Variants in BRD7 observed in about 807,000 individuals in gnomAD.
The protein encoded by BRD7 is bromodomain containing 7.
Under a neutral mutation model 82.1 loss-of-function variants are expected in BRD7, and 15 were observed. That is an observed-to-expected ratio of 0.18 (90% CI 0.12 to 0.28). BRD7 has a LOEUF of 0.28. Ranked by LOEUF, BRD7 falls within the 10% of genes least tolerant of loss-of-function variation. The pLI is 1.00. For missense variants in BRD7, 638 were observed against 779.9 expected, an observed-to-expected ratio of 0.82 and a Z score of 2.17; for synonymous variants, 232 against 266.9, an observed-to-expected ratio of 0.87 and a Z score of 1.27.
chr16:50,320,394 G>T lies in BRD7; in HGVS notation c.1613-3C>A. 1.9e-6 allele frequency: 3 copies of T among 1,612,724 alleles called. No individual in the cohort carries two copies. Among genetic ancestry groups the T allele is most frequent in the Non-Finnish European group, 2.5e-6 (3 of 1,179,424 alleles). Reference sequence around the variant, plus strand: ...TTTCTTCTGGAATATTTCAGCTTCTGTGTGGTAAGAAAACAGACACACTTC... The same window carrying T: ...TTTCTTCTGGAATATTTCAGCTTCTTTGTGGTAAGAAAACAGACACACTTC... On this transcript the variant is annotated splice_region_variant and splice_polypyrimidine_tract_variant and intron_variant, in intron 14 of 16. Coordinates refer to ENST00000394688, the MANE Select transcript of BRD7 (RefSeq NM_013263.5).
At chr16:50,357,499 G>C (rs1310423842) in intron 2 of BRD7, among the ~76,000 whole-genome samples, 1 of 152,130 alleles carries the variant, frequency 6.6e-6, no homozygotes, top group Non-Finnish European at 1.5e-5. Context: ...ATGGATCTTG[G>C]TAGGCTGGCA....
chr16:50,336,591 AAAC>A (rs1000232181), intron 6 of BRD7, among the ~76,000 whole-genome samples: 1 of 152,216 alleles, frequency 6.6e-6, no homozygotes, highest in African/African-American at 2.4e-5. Flanking sequence ...CAAAAAACAC[AAAC>A]AACAACAAAA....
intron 6 of BRD7, among the ~76,000 whole-genome samples, chr16:50,338,580 T>C (rs2037914721): frequency 6.6e-6 from 1 of 152,252 alleles, no homozygotes; most frequent in African/African-American, 2.4e-5. Flanking sequence ...CTCTGGACTC[T>C]GATTCCTTTC....
intron 12 of BRD7, among the ~76,000 whole-genome samples, chr16:50,323,386 C>A (rs1281475653): frequency 2.6e-5 from 4 of 152,216 alleles, no homozygotes; most frequent in African/African-American, 9.6e-5. Flanking sequence ...AAGGATAACG[C>A]TCAGGCCCTC....
At chr16:50,368,389 G>T (rs36023580) in intron 1 of BRD7, 91 bp from the exon 2 acceptor site, 1 of 1,371,882 alleles carries the variant, frequency 7.3e-7, no homozygotes, top group Non-Finnish European at 9.9e-7. Context: ...CCAAGGCGCA[G>T]CAAGCCCGAG....
At chr16:50,360,863 G>A (rs1023715807) in intron 2 of BRD7, among the ~76,000 whole-genome samples, 4 of 152,138 alleles carry the variant, frequency 2.6e-5, no homozygotes, top group Admixed American at 1.3e-4. Context: ...GGGTTGAGAC[G>A]ACTACCTCAG....
At chr16:50,332,373 G>A (rs976149764) in intron 8 of BRD7, among the ~76,000 whole-genome samples, 68 of 152,246 alleles carry the variant, frequency 4.5e-4, no homozygotes, top group African/African-American at 1.6e-3. Context: ...CTCAAAAGAA[G>A]ACATACAAGC....
intron 2 of BRD7, 89 bp from the exon 3 acceptor site, chr16:50,355,011 A>C (rs45456099): frequency 1.8e-5 from 26 of 1,416,832 alleles, no homozygotes; most frequent in Non-Finnish European, 2.5e-5. Context: ...AAAAGACATC[A>C]TTGTAAAGAA....
At chr16:50,352,112 C>T (rs2038549770) in intron 4 of BRD7, among the ~76,000 whole-genome samples, 2 of 152,212 alleles carry the variant, frequency 1.3e-5, no homozygotes, top group Non-Finnish European at 2.9e-5. Flanking sequence ...CTCTCTACTT[C>T]TATGAATCAA....
At chr16:50,334,644 T>G (rs1006000862) in intron 7 of BRD7, 67 bp downstream of exon 7, 41 of 1,552,306 alleles carry the variant, frequency 2.6e-5, no homozygotes, top group Non-Finnish European at 3.3e-5. Context: ...AGGCCCCGAA[T>G]AAGTATTTTT....
intron 7 of BRD7, among the ~76,000 whole-genome samples, chr16:50,334,111 A>T (rs2037688737): frequency 6.6e-6 from 1 of 152,270 alleles, no homozygotes; most frequent in African/African-American, 2.4e-5. Context: ...GCATTATGAC[A>T]GCAAAAATCC....
chr16:50,335,018 G>T, intron 6 of BRD7, 123 bp from the exon 7 acceptor site: 1 of 939,300 alleles, frequency 1.1e-6, no homozygotes, highest in East Asian at 2.7e-5. Context: ...ACAATTAAAT[G>T]TAATCATATA....
intron 8 of BRD7, 145 bp downstream of exon 8, chr16:50,333,426 CATT>C: frequency 1.0e-6 from 1 of 993,696 alleles, no homozygotes; most frequent in Non-Finnish European, 1.5e-6. Context: ...ATTGTCTGTC[CATT>C]ATTAATTGTT....
chr16:50,333,630 C>A lies in BRD7; in HGVS notation c.955G>T (p.Asp319Tyr), dbSNP rs773539261. The A allele has an allele frequency of 1.2e-6, 2 of 1,611,710 alleles. No individual in the cohort carries two copies. Among genetic ancestry groups the A allele is most frequent in the Non-Finnish European group, 1.7e-6 (2 of 1,179,640 alleles). The change falls in exon 8 of 17, where the codon GAC (aspartate) becomes TAC (tyrosine). Residue 319 changes from aspartate to tyrosine, a missense_variant. Asp to Tyr is a radical substitution (Grantham distance 160). This residue lies in a region of BRD7 where 402 missense variants were observed against 500.8 expected (regional missense o/e 0.80). Transcript: ENST00000394688. ...NNLEREQEQL[D>Y]RIVKESGGKL... ...CCTCCAGATTCCTTCACGATGCGGT[C>A]AAGCTGCTCCTGCTCTCTCTCTAAA...
At chr16:50,366,113 A>T (rs1026249126) in intron 2 of BRD7, among the ~76,000 whole-genome samples, 1 of 152,240 alleles carries the variant, frequency 6.6e-6, no homozygotes, top group African/African-American at 2.4e-5. Flanking sequence ...CAAAAGTCTG[A>T]AAGAAAATAA....
At chr16:50,357,755 T>C (rs1030525721) in intron 2 of BRD7, among the ~76,000 whole-genome samples, 3 of 151,734 alleles carry the variant, frequency 2.0e-5, no homozygotes, top group Non-Finnish European at 2.9e-5. Flanking sequence ...CTGAGGCAGG[T>C]GTACCACTTG....
chr16:50,363,720 A>G (rs770716027), intron 2 of BRD7, among the ~76,000 whole-genome samples: 1 of 152,018 alleles, frequency 6.6e-6, no homozygotes, highest in Non-Finnish European at 1.5e-5. Context: ...TAAGTAACAG[A>G]TTCCTAATTT....
At chr16:50,326,209 A>C in intron 10 of BRD7, 75 bp downstream of exon 10, 1 of 1,201,502 alleles carries the variant, frequency 8.3e-7, no homozygotes, top group Non-Finnish European at 1.2e-6. Context: ...TAGTGAATAA[A>C]GCATAATCGT....
At position 50,319,073 on chromosome 16, in the gene BRD7, C is replaced by T; in HGVS notation, c.*138G>A. On this transcript the variant is annotated 3_prime_UTR_variant, in exon 17 of 17. Coordinates refer to ENST00000394688, the MANE Select transcript of BRD7 (RefSeq NM_013263.5). ...GCTTTATTACCTAATACAAGTCCAA[C>T]CTCTGGAACATCCAAATTCGCTGTT... The T allele has an allele frequency of 1.2e-6, 1 of 833,340 alleles. No individual in the cohort carries two copies. Among genetic ancestry groups the T allele is most frequent in the Non-Finnish European group, 1.9e-6 (1 of 535,558 alleles). 51.6% of individuals were successfully genotyped at this position (833,340 alleles called of 1,614,324 possible). A position where few individuals can be genotyped will look rare whatever the true frequency, so the allele number is the denominator to read the frequency against.
Sources: gnomAD v4.1 joint callset for allele counts (sites outside exome capture counted in the v4.1 genomes callset) on GRCh38, gnomAD v4.1.1 for gene constraint, gnomAD v4.1.1 regional missense constraint, MANE v1.5 for transcripts, NCBI Gene and HGNC (gene_info 2026-07-23, HGNC 2026-07-21) for gene names.